The following KCNK10 variants were observed in gnomAD, a reference collection of about 807,000 sequenced individuals.
KCNK10 encodes potassium two pore domain channel subfamily K member 10.
Under a neutral mutation model 47.7 loss-of-function variants are expected in KCNK10, and 25 were observed. The ratio of observed to expected loss-of-function variants is 0.52; its 90% CI spans 0.38 to 0.73. The LOEUF (loss-of-function observed/expected upper bound fraction) is 0.73, where lower values mean the gene tolerates loss of function less well. Among genes scored for constraint, KCNK10 ranks in the 30% least tolerant of loss-of-function variants. KCNK10 has a pLI of 0.00. For synonymous variants in KCNK10, 303 were observed against 285.6 expected, an observed-to-expected ratio of 1.06 and a Z score of -0.61; for missense variants, 563 against 714.5, an observed-to-expected ratio of 0.79 and a Z score of 2.42.
intron 1 of KCNK10, among the ~76,000 whole-genome samples, chr14:88,293,711 G>C (rs1377820255): frequency 1.3e-5 from 2 of 151,728 alleles, no homozygotes; most frequent in Non-Finnish European, 2.9e-5. Context: ...GTCTTGCTCT[G>C]TTTACCCAGG....
chr14:88,325,557 G>A (rs1375120849), upstream of KCNK10, among the ~76,000 whole-genome samples: 1 of 152,134 alleles, frequency 6.6e-6, no homozygotes, highest in Non-Finnish European at 1.5e-5. Flanking sequence ...TTGACACAAA[G>A]GTCCATGCTC....
In KCNK10 at chr14:88,225,774, G is replaced by A. The variant is rs540587069; in HGVS notation, c.681+1601C>T. On this transcript the variant is annotated intron_variant, in intron 4 of 6. Transcript: ENST00000319231. ...AGATTCTTTTTTCTCTAAGTCAGAG[G>A]GCCATGAGGCAGCAGCTAAAAGGGT... Among the ~76,000 whole-genome samples, 4 of 152,236 alleles carry A rather than the reference G, an allele frequency of 2.6e-5. No homozygotes were observed. In the South Asian group the frequency reaches 8.3e-4, roughly 32 times the overall value.
chr14:88,206,847 A>G (rs1885290453), intron 4 of KCNK10, among the ~76,000 whole-genome samples: 1 of 152,224 alleles, frequency 6.6e-6, no homozygotes, highest in Non-Finnish European at 1.5e-5. Context: ...ATTCATTTCA[A>G]TGTAGTAAAG....
rs911297084 is a variant in KCNK10, at chr14:88,187,631, C to A, written c.1011+336G>T. 2.7e-5 allele frequency among the ~76,000 whole-genome samples: 4 copies of A among 149,024 alleles called. 1 individual carries two copies. Among genetic ancestry groups the A allele is most frequent in the African/African-American group, 1.0e-4 (4 of 39,906 alleles). ...GACCGGAAGGACAGGCTGCACCCCC[C>A]CACACACACACTCAGCCATAGTCTA... On this transcript the variant is annotated intron_variant, in intron 6 of 6. Transcript: ENST00000319231.
At chr14:88,231,368 C>T (rs894062754) in intron 3 of KCNK10, among the ~76,000 whole-genome samples, 1 of 152,130 alleles carries the variant, frequency 6.6e-6, no homozygotes, top group Non-Finnish European at 1.5e-5. Context: ...TAGGGACAAC[C>T]CTTAAATGAG....
At chr14:88,281,461 G>A (rs555040578) in intron 1 of KCNK10, among the ~76,000 whole-genome samples, 5 of 152,258 alleles carry the variant, frequency 3.3e-5, no homozygotes, top group African/African-American at 7.2e-5. Context: ...ACATCCTATC[G>A]GTTGGAGGCC....
intron 2 of KCNK10, among the ~76,000 whole-genome samples, chr14:88,247,209 A>AG (rs2139898938): frequency 6.6e-6 from 1 of 152,298 alleles, no homozygotes; most frequent in East Asian, 1.9e-4. Flanking sequence ...TGGGAAGGGC[A>AG]GGCTGGCTCA....
At chr14:88,300,968 C>T (rs894653390) in intron 1 of KCNK10, among the ~76,000 whole-genome samples, 2 of 152,150 alleles carry the variant, frequency 1.3e-5, no homozygotes, top group Admixed American at 6.5e-5. Context: ...GTTACAAATA[C>T]GGACTTTGGA....
At chr14:88,216,378 T>G (rs1285831563) in intron 4 of KCNK10, among the ~76,000 whole-genome samples, 1 of 152,192 alleles carries the variant, frequency 6.6e-6, no homozygotes, top group Non-Finnish European at 1.5e-5. Context: ...AGGGCGATTT[T>G]GCCCCTGAGG....
chr14:88,278,564 G>A (rs1887577786), intron 1 of KCNK10, among the ~76,000 whole-genome samples: 1 of 152,216 alleles, frequency 6.6e-6, no homozygotes, highest in Admixed American at 6.5e-5. Context: ...AAGTGTTGAT[G>A]CAAGATCTTC....
intron 1 of KCNK10, among the ~76,000 whole-genome samples, chr14:88,272,095 G>C (rs142611405): frequency 7.6e-4 from 116 of 152,148 alleles, no homozygotes; most frequent in African/African-American, 2.7e-3. Context: ...GGAAACACTG[G>C]GCAGGGCTCC....
intron 1 of KCNK10, among the ~76,000 whole-genome samples, chr14:88,290,071 C>G (rs967076233): frequency 7.9e-5 from 12 of 152,150 alleles, no homozygotes; most frequent in Non-Finnish European, 4.4e-5. Flanking sequence ...TGTCCTGATC[C>G]CTGGAACCTG....
At chr14:88,239,203 G>C (rs1164082409) in intron 3 of KCNK10, among the ~76,000 whole-genome samples, 1 of 140,988 alleles carries the variant, frequency 7.1e-6, no homozygotes, top group African/African-American at 2.6e-5. Context: ...CCTTAAATTT[G>C]TTTAAAAAAA....
chr14:88,252,184 A>T (rs1886819561), intron 2 of KCNK10, among the ~76,000 whole-genome samples: 1 of 151,910 alleles, frequency 6.6e-6, no homozygotes, highest in South Asian at 2.1e-4. Flanking sequence ...CAAAGTGCTG[A>T]GATTATAGAC....
chr14:88,251,897 C>A (rs1449938509), intron 2 of KCNK10, among the ~76,000 whole-genome samples: 2 of 152,216 alleles, frequency 1.3e-5, no homozygotes, highest in African/African-American at 4.8e-5. Flanking sequence ...TCAGCCCTCT[C>A]TGCCTGGAAT....
chr14:88,204,528 C>T (rs949267035), intron 4 of KCNK10, among the ~76,000 whole-genome samples: 18 of 152,096 alleles, frequency 1.2e-4, no homozygotes, highest in South Asian at 4.2e-4. Context: ...CTCCAGAATA[C>T]GTCAACCCAC....
At chr14:88,307,481 T>A (rs1325715019) in intron 1 of KCNK10, among the ~76,000 whole-genome samples, 1 of 152,172 alleles carries the variant, frequency 6.6e-6, no homozygotes. Context: ...TGACTGCTAA[T>A]GGATATGGAG....
chr14:88,257,632 A>G (rs558650368), intron 2 of KCNK10, among the ~76,000 whole-genome samples: 1 of 152,310 alleles, frequency 6.6e-6, no homozygotes, highest in African/African-American at 2.4e-5. Flanking sequence ...ATTTCTAACC[A>G]GGTGAACTTA....
intron 1 of KCNK10, among the ~76,000 whole-genome samples, chr14:88,269,411 T>G (rs570025610): frequency 6.6e-6 from 1 of 152,154 alleles, no homozygotes; most frequent in Non-Finnish European, 1.5e-5. Flanking sequence ...TTAACAAAGA[T>G]CTTACACGTG....
Sources: allele counts gnomAD v4.1 joint callset (sites outside exome capture counted in the v4.1 genomes callset), GRCh38; gene constraint gnomAD v4.1.1; transcripts MANE v1.5; gene names NCBI Gene and HGNC (gene_info 2026-07-23, HGNC 2026-07-21).